Variants in TMEM163 observed in about 807,000 individuals in gnomAD.
TMEM163 encodes the protein transmembrane protein 163.
A neutral mutation model predicts 29.3 loss-of-function variants in TMEM163; 17 were observed. That is an observed-to-expected ratio of 0.58 (90% confidence interval 0.40 to 0.87). The LOEUF is 0.87. Ranked by LOEUF, TMEM163 falls within the 40% of genes least tolerant of loss-of-function variation. The pLI is 0.00. For synonymous variants in TMEM163, 157 were observed against 160.6 expected (o/e 0.98, Z 0.17); for missense variants, 303 against 381.5 (o/e 0.79, Z 1.71).
chr2:134,575,368 C>T (rs1407563639), intron 2 of TMEM163, among the ~76,000 whole-genome samples: 5 of 152,152 alleles, frequency 3.3e-5, no homozygotes, highest in Non-Finnish European at 7.4e-5. Context: ...CTGCTGTCAG[C>T]CAAGAGCCAG....
At chr2:134,663,864 G>C (rs973929258) in intron 2 of TMEM163, among the ~76,000 whole-genome samples, 1 of 152,198 alleles carries the variant, frequency 6.6e-6, no homozygotes, top group African/African-American at 2.4e-5. Flanking sequence ...TGCTCCAAAA[G>C]CTACCACTGA....
In TMEM163 at chr2:134,718,948, C is replaced by G; in HGVS notation, c.-13G>C. 9.7e-7 allele frequency: 1 copy of G among 1,035,500 alleles called. No individual in the cohort carries two copies. Among genetic ancestry groups the G allele is most frequent in the Non-Finnish European group, 1.2e-6 (1 of 864,498 alleles). 64.1% of individuals were successfully genotyped at this position (1,035,500 alleles called of 1,614,324 possible). ...CGGCCGGCTCCATGGCGCGGGGCTG[C>G]GGATCCCGGCGGCGGCGACGACAAG... On this transcript the variant is annotated 5_prime_UTR_variant, in exon 1 of 8. Transcript: ENST00000281924.
chr2:134,512,512 CA>C (rs1400972922), intron 4 of TMEM163, among the ~76,000 whole-genome samples: 2 of 152,082 alleles, frequency 1.3e-5, no homozygotes, highest in African/African-American at 4.8e-5. Context: ...TTGAACAAAC[CA>C]AAGAAATTAA....
chr2:134,524,877 A>G (rs1680260126), intron 4 of TMEM163, among the ~76,000 whole-genome samples: 1 of 150,270 alleles, frequency 6.7e-6, no homozygotes, highest in Non-Finnish European at 1.5e-5. Context: ...TTCTTTGGGT[A>G]TATACCCAGT....
At chr2:134,689,659 T>C (rs998743491) in intron 2 of TMEM163, among the ~76,000 whole-genome samples, 27 of 152,284 alleles carry the variant, frequency 1.8e-4, no homozygotes, top group Admixed American at 1.8e-3. Flanking sequence ...GGGGAAACGT[T>C]CACAGTTCAT....
chr2:134,678,587 A>G (rs911017303), intron 2 of TMEM163, among the ~76,000 whole-genome samples: 1 of 152,214 alleles, frequency 6.6e-6, no homozygotes, highest in Non-Finnish European at 1.5e-5. Flanking sequence ...GGGAGGCTGA[A>G]GGTCAGAGCA....
At chr2:134,705,999 C>A (rs1684803601) in intron 2 of TMEM163, among the ~76,000 whole-genome samples, 1 of 152,154 alleles carries the variant, frequency 6.6e-6, no homozygotes, top group South Asian at 2.1e-4. Flanking sequence ...CCTGGCCACG[C>A]TTCCAATTAA....
intron 2 of TMEM163, among the ~76,000 whole-genome samples, chr2:134,577,505 G>A (rs1048158652): frequency 3.3e-5 from 5 of 152,212 alleles, no homozygotes; most frequent in South Asian, 2.1e-4. Context: ...GAGACCATCC[G>A]CAGAGCAAGC....
chr2:134,552,993 T>C (rs933083644), intron 2 of TMEM163, among the ~76,000 whole-genome samples: 9 of 152,246 alleles, frequency 5.9e-5, no homozygotes, highest in African/African-American at 1.9e-4. Context: ...GGACGTCAAT[T>C]GGGTAGCACT....
intron 4 of TMEM163, among the ~76,000 whole-genome samples, chr2:134,516,855 CAA>C (rs1169038653): frequency 1.3e-5 from 2 of 149,258 alleles, no homozygotes; most frequent in East Asian, 4.0e-4. Flanking sequence ...TGTCTACGGC[CAA>C]GGACCGCAAG....
chr2:134,514,671 T>C (rs1680018851), intron 4 of TMEM163, among the ~76,000 whole-genome samples: 1 of 152,170 alleles, frequency 6.6e-6, no homozygotes, highest in Non-Finnish European at 1.5e-5. Context: ...GTGTGTATCA[T>C]TGCTCACATC....
intron 6 of TMEM163, among the ~76,000 whole-genome samples, chr2:134,464,286 C>A (rs1203943716): frequency 6.6e-6 from 1 of 152,082 alleles, no homozygotes; most frequent in Admixed American, 6.5e-5. Context: ...CTGGGGCAGG[C>A]ACAGGGGCAG....
At chr2:134,661,733 G>A (rs1170935075) in intron 2 of TMEM163, among the ~76,000 whole-genome samples, 5 of 152,028 alleles carry the variant, frequency 3.3e-5, no homozygotes, top group African/African-American at 4.8e-5. Flanking sequence ...GCAAATGTAC[G>A]TAGAGCTCAC....
At chr2:134,545,557 C>T (rs1369967739) in intron 4 of TMEM163, among the ~76,000 whole-genome samples, 1 of 152,080 alleles carries the variant, frequency 6.6e-6, no homozygotes, top group African/African-American at 2.4e-5. Context: ...TGCCCCCTCA[C>T]CTCCTGGCCC....
intron 2 of TMEM163, among the ~76,000 whole-genome samples, chr2:134,676,254 T>C (rs1574331259): frequency 2.0e-5 from 3 of 152,202 alleles, no homozygotes; most frequent in African/African-American, 7.2e-5. Flanking sequence ...CCATCAGCTC[T>C]TGTGAGCCAG....
rs377462390 is a variant in TMEM163, at chr2:134,546,397, C to T, written c.458+4173G>A. On this transcript the variant is annotated intron_variant, in intron 4 of 7. Transcript: ENST00000281924. ...GTGCCTCACACCTGTAATACCAGCA[C>T]TTTGAGAGGTCAAGGCAGGCAGATC... is the stretch of plus-strand genomic sequence containing the variant. Among the ~76,000 whole-genome samples, 178 of 152,328 alleles carry T rather than the reference C, an allele frequency of 1.2e-3. 6 individuals carry two copies. The South Asian group carries it at 0.031, about 27-fold the overall frequency.
In TMEM163 at chr2:134,652,638, A is replaced by G. The variant is rs1160633296; in HGVS notation, c.322+60562T>C. ...TGTCTTGTGCCAGTTTTCAAAGGGA[A>G]CGCTTCCAGTTTTTGCCCATTCAGT... On this transcript the variant is annotated intron_variant, in intron 2 of 7. Transcript: ENST00000281924. Among the ~76,000 whole-genome samples, 11 of 119,938 alleles carry G rather than the reference A, an allele frequency of 9.2e-5. No individual in the cohort carries two copies. The East Asian group carries it at 1.5e-3, about 16-fold the overall frequency. 78.7% of individuals were successfully genotyped at this position (119,938 alleles called of 152,430 possible). A position where few individuals can be genotyped will look rare whatever the true frequency, so the allele number is the denominator to read the frequency against.
intron 2 of TMEM163, among the ~76,000 whole-genome samples, chr2:134,600,397 A>G (rs1352676441): frequency 6.6e-6 from 1 of 152,200 alleles, no homozygotes; most frequent in Non-Finnish European, 1.5e-5. Flanking sequence ...CTGAGGGCCT[A>G]TTACGTAACA....
intron 2 of TMEM163, among the ~76,000 whole-genome samples, chr2:134,690,941 A>C (rs1684450955): frequency 6.6e-6 from 1 of 152,200 alleles, no homozygotes; most frequent in Admixed American, 6.5e-5. Context: ...AGAAACCCTG[A>C]CTACCCATCT....
Sources: allele counts gnomAD v4.1 joint callset (sites outside exome capture counted in the v4.1 genomes callset), GRCh38; gene constraint gnomAD v4.1.1; transcripts MANE v1.5; gene names NCBI Gene and HGNC (gene_info 2026-07-23, HGNC 2026-07-21).